The following CLIP2 variants were observed in gnomAD, a reference collection of about 807,000 sequenced individuals.
CLIP2 encodes CAP-Gly domain containing linker protein 2.
A neutral mutation model predicts 111.7 loss-of-function variants in CLIP2; 41 were observed. The ratio of observed to expected loss-of-function variants is 0.37; its 90% confidence interval spans 0.29 to 0.48. The LOEUF (loss-of-function observed/expected upper bound fraction) is 0.48. CLIP2 is among the 20% of genes least tolerant of loss of function. The probability of loss-of-function intolerance (pLI) is 0.99; values close to 1 mark genes in which losing one functional copy is unlikely to be tolerated. For synonymous variants in CLIP2, 660 were observed against 644.2 expected, an observed-to-expected ratio of 1.02 and a Z score of -0.37; for missense variants, 1,160 against 1,422.1, an observed-to-expected ratio of 0.82 and a Z score of 2.96.
At position 74,389,137 on chromosome 7, in the gene CLIP2, G is replaced by A. The variant is rs782158965; in HGVS notation, c.2598G>A (p.Lys866=). 6.4e-5 allele frequency: 104 copies of A among 1,613,348 alleles called. No homozygotes were observed. The highest frequency in any genetic ancestry group is 8.2e-5 in the Non-Finnish European group (97 of 1,179,866). Reference sequence around the variant, plus strand: ...GCAAGTGTAAGTCAGGCGAGAAGAAGGTGGACGCCCTCCTGAAGGAGAAGC... The same window carrying A: ...GCAAGTGTAAGTCAGGCGAGAAGAAAGTGGACGCCCTCCTGAAGGAGAAGC... ...LESKCKSGEK[K]VDALLKEKRR... Residue 866 remains lysine, a synonymous_variant, in exon 13 of 17, where the codon AAG becomes AAA. Transcript: ENST00000223398.
intron 1 of CLIP2, among the ~76,000 whole-genome samples, chr7:74,296,013 T>G (rs1788160088): frequency 1.4e-5 from 2 of 140,394 alleles, no homozygotes; most frequent in East Asian, 2.1e-4. Context: ...AAAAAAAGCG[T>G]TTTTATAGAG....
Position 74,376,555 on chromosome 7 carries a change from G to C in CLIP2, c.2154G>C (p.Leu718=). ...AAGCCAGCCAGCACCGGCTGGAGCTGCAGGAGGCCCAGGACCAGCGCCGGG... is the reference window on the plus strand; with the variant it reads ...AAGCCAGCCAGCACCGGCTGGAGCTCCAGGAGGCCCAGGACCAGCGCCGGG... ...EVQASQHRLE[L]QEAQDQRRDA... Residue 718 remains leucine, a synonymous_variant, in exon 10 of 17, where the codon CTG becomes CTC. Transcript: ENST00000223398. This position sits in a 1 kb window ranked among gnomAD's most constrained non-coding sequence, Gnocchi z 7.1. 4 of 1,606,978 alleles carry C rather than the reference G, an allele frequency of 2.5e-6. No homozygotes were observed. The highest frequency in any genetic ancestry group is 3.4e-6 in the Non-Finnish European group (4 of 1,177,420).
Position 74,341,312 on chromosome 7 carries a change from C to T in CLIP2, c.678+2308C>T, listed in dbSNP as rs1233571452. ...AAGCAATCCTCCTGCCTCAGCCTCC[C>T]GAGTAGCTGGGGCTACAGGCACGCA... On this transcript the variant is annotated intron_variant, in intron 3 of 16. Coordinates refer to ENST00000223398, the MANE Select transcript of CLIP2 (RefSeq NM_003388.5). 3.9e-5 allele frequency among the ~76,000 whole-genome samples: 6 copies of T among 152,198 alleles called. No homozygotes were observed. In the South Asian group the frequency reaches 6.2e-4, roughly 16 times the overall value.
intron 7 of CLIP2, 131 bp from the exon 8 acceptor site, chr7:74,364,124 G>T: frequency 2.7e-6 from 2 of 746,472 alleles, no homozygotes; most frequent in South Asian, 1.7e-5. Flanking sequence ...AGGACTGTGG[G>T]ACATTTTGAT....
At chr7:74,290,203 C>T (rs542888572) in intron 1 of CLIP2, among the ~76,000 whole-genome samples, 70 of 152,352 alleles carry the variant, frequency 4.6e-4, no homozygotes, top group African/African-American at 1.6e-3. Context: ...AACCTGGGGT[C>T]TGGGAGAACA....
chr7:74,337,062 A>G (rs530877582), intron 2 of CLIP2, among the ~76,000 whole-genome samples: 318 of 151,288 alleles, frequency 2.1e-3, no homozygotes, highest in Admixed American at 4.7e-3. Context: ...ATTTTTTTGT[A>G]TTTTTAGTAG....
chr7:74,329,744 G>A (rs541605366), intron 2 of CLIP2, among the ~76,000 whole-genome samples: 14 of 151,310 alleles, frequency 9.3e-5, no homozygotes, highest in Non-Finnish European at 1.9e-4. Context: ...GTGGGTCCCT[G>A]CAAGGTCCCT....
chr7:74,306,632 G>A (rs547999300), intron 1 of CLIP2, among the ~76,000 whole-genome samples: 78 of 152,184 alleles, frequency 5.1e-4, no homozygotes, highest in Non-Finnish European at 9.0e-4. Context: ...AAATGCAGCC[G>A]GGGCTTGTCT....
At chr7:74,374,502 T>C (rs1428540117) in intron 9 of CLIP2, among the ~76,000 whole-genome samples, 3 of 152,106 alleles carry the variant, frequency 2.0e-5, no homozygotes, top group Non-Finnish European at 4.4e-5. Flanking sequence ...TCTGAGGTCA[T>C]CTGAGGTCAG....
intron 3 of CLIP2, among the ~76,000 whole-genome samples, chr7:74,347,435 A>AT (rs1255516468): frequency 1.3e-5 from 2 of 151,926 alleles, no homozygotes; most frequent in Non-Finnish European, 2.9e-5. Context: ...CGCCTGGCTA[A>AT]TTTTTTGTAT....
In CLIP2 at chr7:74,405,583, C is replaced by T. The variant is rs1457227167; in HGVS notation, c.*1735C>T. The T allele has an allele frequency of 1.3e-5, 2 of 152,690 alleles. No homozygotes were observed. Among genetic ancestry groups the T allele is most frequent in the East Asian group, 3.9e-4 (2 of 5,194 alleles). The allele number at this position is 152,690 out of a possible 1,614,324, so 9.5% of individuals were successfully genotyped here. ...TATTAACAGCCGTCTAGAAGCGATG[C>T]TTTAGTGGCCTAACCCAGGGTCAAA... is the stretch of plus-strand genomic sequence containing the variant. On this transcript the variant is annotated 3_prime_UTR_variant, in exon 17 of 17. Coordinates refer to ENST00000223398, the MANE Select transcript of CLIP2 (RefSeq NM_003388.5).
chr7:74,356,644 G>A (rs781913965), intron 5 of CLIP2, 21 bp downstream of exon 5: 2 of 1,600,890 alleles, frequency 1.2e-6, no homozygotes, highest in Non-Finnish European at 1.7e-6. Context: ...GGCTGCAGAA[G>A]GGGATTCTCT....
chr7:74,368,188 G>A (rs1168016251), intron 8 of CLIP2, among the ~76,000 whole-genome samples: 1 of 152,040 alleles, frequency 6.6e-6, no homozygotes, highest in Non-Finnish European at 1.5e-5. Flanking sequence ...ACTCCAGCCT[G>A]GGCAACAAAG....
At chr7:74,363,895 C>CA (rs11438621) in intron 7 of CLIP2, among the ~76,000 whole-genome samples, 43,806 of 96,202 alleles carry the variant, frequency 0.46, 8,908 homozygotes, top group Middle Eastern at 0.55. Context: ...GACTCTGTCT[C>CA]AAAAAAAAAA....
At chr7:74,375,806 C>T in intron 9 of CLIP2, 81 bp from the exon 10 acceptor site, 1 of 1,242,726 alleles carries the variant, frequency 8.0e-7, no homozygotes, top group South Asian at 1.6e-5. Flanking sequence ...ACGCCCCCTA[C>T]CCGGCCCCCA....
intron 13 of CLIP2, among the ~76,000 whole-genome samples, chr7:74,394,539 C>T (rs890172873): frequency 6.6e-6 from 1 of 152,166 alleles, no homozygotes; most frequent in Non-Finnish European, 1.5e-5. Context: ...CGTGGGCCAC[C>T]GCCCCGGGCC....
At chr7:74,304,669 A>C (rs1486792395) in intron 1 of CLIP2, among the ~76,000 whole-genome samples, 1 of 151,972 alleles carries the variant, frequency 6.6e-6, no homozygotes, top group Non-Finnish European at 1.5e-5. Flanking sequence ...GAAATATAAC[A>C]AAGGCTGGGC....
chr7:74,299,151 G>A (rs1196932143), intron 1 of CLIP2, among the ~76,000 whole-genome samples: 1 of 151,930 alleles, frequency 6.6e-6, no homozygotes, highest in Non-Finnish European at 1.5e-5. Flanking sequence ...GGGCACCTTG[G>A]CAAAACCCTG....
At chr7:74,357,591 C>A in intron 6 of CLIP2, 114 bp downstream of exon 6, 1 of 878,042 alleles carries the variant, frequency 1.1e-6, no homozygotes, top group African/African-American at 1.7e-5. Flanking sequence ...GAAGATAACA[C>A]AAGCAGTACC....
Sources: gnomAD v4.1 joint callset for allele counts (sites outside exome capture counted in the v4.1 genomes callset) on GRCh38, gnomAD v4.1.1 for gene constraint, Gnocchi (gnomAD v3.1) non-coding constraint, MANE v1.5 for transcripts, NCBI Gene and HGNC (gene_info 2026-07-23, HGNC 2026-07-21) for gene names.